The following ERCC8 variants were observed in gnomAD, a reference collection of about 807,000 sequenced individuals.
ERCC8 encodes the protein ERCC excision repair 8, CSA ubiquitin ligase complex subunit, also known as DNA excision repair protein ERCC-8.
ERCC8 carries 52 observed loss-of-function variants against 54.9 expected under a neutral mutation model. That is an observed-to-expected ratio of 0.95 (90% CI 0.76 to 1.19). The LOEUF (loss-of-function observed/expected upper bound fraction) is 1.19, where lower values mean the gene tolerates loss of function less well. Among genes scored for constraint, ERCC8 ranks in the 50% most tolerant of loss-of-function variants. The pLI is 0.00. For synonymous variants in ERCC8, 146 were observed against 157.2 expected (o/e 0.93, Z 0.53); for missense variants, 514 against 466.1 (o/e 1.10, Z -0.95).
intron 4 of ERCC8, among the ~76,000 whole-genome samples, chr5:60,914,294 T>C (rs935682655): frequency 6.6e-6 from 1 of 152,088 alleles, no homozygotes; most frequent in Non-Finnish European, 1.5e-5. Context: ...TGCATATATA[T>C]TTAGGATAGG....
chr5:60,920,388 CTT>C (rs1334947022), intron 3 of ERCC8, among the ~76,000 whole-genome samples: 1 of 151,760 alleles, frequency 6.6e-6, no homozygotes, highest in Non-Finnish European at 1.5e-5. Flanking sequence ...TAAAAGCTCA[CTT>C]ATATTTTAAG....
At chr5:60,879,081 T>C in intron 11 of ERCC8, among the ~76,000 whole-genome samples, 1 of 152,224 alleles carries the variant, frequency 6.6e-6, no homozygotes, top group Non-Finnish European at 1.5e-5. Context: ...TTTGGTCTCG[T>C]TGGTTTCAAA....
chr5:60,898,518 T>C (rs1748783388), intron 8 of ERCC8, 118 bp from the exon 9 acceptor site: 1 of 1,097,502 alleles, frequency 9.1e-7, no homozygotes, highest in Non-Finnish European at 1.4e-6. Flanking sequence ...AAAATGTAAG[T>C]AGATTATACT....
At chr5:60,916,021 T>C (rs1749422712) in intron 4 of ERCC8, among the ~76,000 whole-genome samples, 1 of 151,984 alleles carries the variant, frequency 6.6e-6, no homozygotes, top group Admixed American at 6.6e-5. Flanking sequence ...ACTTAGCAAG[T>C]ACTGCACTGC....
chr5:60,914,904 G>T (rs563067147), intron 4 of ERCC8, among the ~76,000 whole-genome samples: 1 of 151,162 alleles, frequency 6.6e-6, no homozygotes, highest in African/African-American at 2.4e-5. Flanking sequence ...AATTACATTA[G>T]TTGATTTATA....
chr5:60,879,532 G>T (rs1748134875), intron 11 of ERCC8, among the ~76,000 whole-genome samples: 1 of 152,206 alleles, frequency 6.6e-6, no homozygotes, highest in Admixed American at 6.5e-5. Flanking sequence ...CTAAGGACTT[G>T]TTTTATGAAT....
In ERCC8 at chr5:60,868,452, T is replaced by G. The variant is rs10471265; in HGVS notation, c.*6163A>C. Among the ~76,000 whole-genome samples the G allele has an allele frequency of 0.047, 7,114 of 152,224 alleles. 567 individuals are homozygous for G. Among genetic ancestry groups the G allele is most frequent in the African/African-American group, 0.16 (6,777 of 41,518 alleles). ...CTGAAAAGTCCTACACACAGAGAACTAAGAGAGGTCGCAACATAGTTCTTT... is the reference window on the plus strand; with the variant it reads ...CTGAAAAGTCCTACACACAGAGAACGAAGAGAGGTCGCAACATAGTTCTTT... On this transcript the variant is annotated 3_prime_UTR_variant, in exon 12 of 12. Transcript: ENST00000676185.
intron 1 of ERCC8, among the ~76,000 whole-genome samples, chr5:60,932,440 A>T (rs537751022): frequency 3.2e-4 from 48 of 152,288 alleles, no homozygotes; most frequent in African/African-American, 1.1e-3. Flanking sequence ...GAATTTTGGT[A>T]CATGCTAGAT....
chr5:60,925,937 C>T (rs1317157148), intron 2 of ERCC8, among the ~76,000 whole-genome samples: 1 of 152,170 alleles, frequency 6.6e-6, no homozygotes, highest in Non-Finnish European at 1.5e-5. Context: ...GATTCTCCTG[C>T]CTCAGCCTCC....
At chr5:60,910,509 T>A (rs1027231415) in intron 4 of ERCC8, among the ~76,000 whole-genome samples, 1 of 152,198 alleles carries the variant, frequency 6.6e-6, no homozygotes, top group Non-Finnish European at 1.5e-5. Context: ...TTTTAATTCT[T>A]GAACATGGAA....
Position 60,906,912 on chromosome 5 carries a change from T to C in ERCC8, c.400-2039A>G, listed in dbSNP as rs77068501. Reference sequence around the variant, plus strand: ...TCAGATCTCCCCTACTGCCACAGTTTTCTCACTGATATAAGTTTTGCAAAG... The same window carrying C: ...TCAGATCTCCCCTACTGCCACAGTTCTCTCACTGATATAAGTTTTGCAAAG... On this transcript the variant is annotated intron_variant, in intron 4 of 11. Transcript: ENST00000676185. Among the ~76,000 whole-genome samples the C allele has an allele frequency of 0.014, 2,060 of 152,260 alleles. 121 individuals carry two copies. In the East Asian group the frequency reaches 0.19, roughly 14 times the overall value.
At chr5:60,884,478 A>G (rs1000683821) in intron 11 of ERCC8, among the ~76,000 whole-genome samples, 1 of 144,518 alleles carries the variant, frequency 6.9e-6, no homozygotes. Flanking sequence ...TCCTTCTCAA[A>G]AAAAAAAAAA....
intron 1 of ERCC8, among the ~76,000 whole-genome samples, chr5:60,930,990 T>C (rs370761885): frequency 4.6e-5 from 7 of 151,788 alleles, no homozygotes; most frequent in African/African-American, 1.7e-4. Context: ...ATGCCTATAA[T>C]CCCAGCTACT....
chr5:60,936,205 G>A (rs1413778026), intron 1 of ERCC8, among the ~76,000 whole-genome samples: 2 of 151,998 alleles, frequency 1.3e-5, no homozygotes, highest in Non-Finnish European at 2.9e-5. Flanking sequence ...GCTTGTTGCT[G>A]GTCTGTCCAG....
chr5:60,892,909 G>C, intron 9 of ERCC8: 1 of 736,954 alleles, frequency 1.4e-6, no homozygotes, highest in Middle Eastern at 2.5e-4. Flanking sequence ...ATGTCCATAT[G>C]GATGTGGGTG....
chr5:60,877,223 T>C (rs939251014), intron 11 of ERCC8, among the ~76,000 whole-genome samples: 9 of 152,232 alleles, frequency 5.9e-5, no homozygotes, highest in Admixed American at 1.3e-4. Flanking sequence ...GGCTCTGCTC[T>C]GTTCCATTGG....
intron 5 of ERCC8, 63 bp from the exon 6 acceptor site, chr5:60,903,779 C>T: frequency 1.3e-6 from 2 of 1,481,616 alleles, no homozygotes; most frequent in Non-Finnish European, 1.9e-6. Flanking sequence ...GGAAACAAGA[C>T]ATTATCATTA....
chr5:60,897,368 T>C (rs1212576138), intron 9 of ERCC8, among the ~76,000 whole-genome samples: 1 of 152,238 alleles, frequency 6.6e-6, no homozygotes, highest in East Asian at 1.9e-4. Flanking sequence ...CCTTTCATAC[T>C]CTTGCTGAAA....
At chr5:60,887,574 G>C (rs1748433627) in intron 10 of ERCC8, 54 bp from the exon 11 acceptor site, 5 of 1,240,100 alleles carry the variant, frequency 4.0e-6, no homozygotes, top group Middle Eastern at 1.9e-4. Context: ...ATATCAAACT[G>C]AAATGAATTA....
Sources: allele counts gnomAD v4.1 joint callset (sites outside exome capture counted in the v4.1 genomes callset), GRCh38; gene constraint gnomAD v4.1.1; transcripts MANE v1.5; gene names NCBI Gene and HGNC (gene_info 2026-07-23, HGNC 2026-07-21).